The following EVA1C variants were observed in gnomAD, a reference collection of about 807,000 sequenced individuals.
EVA1C encodes the protein eva-1 homolog C, also known as protein eva-1 homolog C.
In EVA1C, 25 loss-of-function variants were observed where a neutral mutation model predicts 45.4. That is an observed-to-expected ratio of 0.55 (90% CI 0.40 to 0.77). The LOEUF (loss-of-function observed/expected upper bound fraction) is 0.77. Ranked by LOEUF, EVA1C falls within the 30% of genes least tolerant of loss-of-function variation. The pLI is 0.00. For missense variants in EVA1C, 479 were observed against 554.8 expected (o/e 0.86, Z 1.37); for synonymous variants, 190 against 221.2 (o/e 0.86, Z 1.25).
chr21:32,479,794 A>C (rs776378196), intron 4 of EVA1C, among the ~76,000 whole-genome samples: 1 of 151,938 alleles, frequency 6.6e-6, no homozygotes, highest in Non-Finnish European at 1.5e-5. Flanking sequence ...TCTACAAAAA[A>C]AATTTAAAAA....
At chr21:32,471,419 G>C (rs148545846) in intron 4 of EVA1C, among the ~76,000 whole-genome samples, 1,897 of 149,074 alleles carry the variant, frequency 0.013, 37 homozygotes, top group Admixed American at 0.038. Flanking sequence ...CTCCACCTCT[G>C]GGTTCAAGCA....
chr21:32,422,899 T>A (rs2034336531), intron 1 of EVA1C, among the ~76,000 whole-genome samples: 1 of 140,900 alleles, frequency 7.1e-6, no homozygotes, highest in Admixed American at 7.2e-5. Flanking sequence ...GGTGAAACCA[T>A]GTCTGTACTA....
upstream of EVA1C, chr21:32,412,480 C>A (rs2033855654): frequency 5.5e-6 from 1 of 180,792 alleles, no homozygotes; most frequent in African/African-American, 2.3e-5. Context: ...GGGCGCGCTA[C>A]TGGGGGCGCC....
intron 5 of EVA1C, 124 bp from the exon 6 acceptor site, chr21:32,501,291 T>G (rs531709970): frequency 1.3e-6 from 1 of 779,124 alleles, no homozygotes; most frequent in South Asian, 1.8e-5. Context: ...GAAGAGTGAG[T>G]GATTCTTGCA....
rs779730010 is a variant in EVA1C, at chr21:32,495,095, ATCG to A, written c.706_708del (p.Val236del). 127 of 1,614,046 alleles carry A rather than the reference ATCG, an allele frequency of 7.9e-5. No homozygotes were observed. Among genetic ancestry groups the A allele is most frequent in the Non-Finnish European group, 1.1e-4 (124 of 1,180,042 alleles). ...CTATGGGAAGCAGAGATGCAAAATC[ATCG>A]TCAACAATCACCATTTTGGAAGCCC... On this transcript the variant is annotated inframe_deletion, in exon 5 of 8. Transcript: ENST00000300255.
intron 1 of EVA1C, among the ~76,000 whole-genome samples, chr21:32,451,069 C>A (rs755824914): frequency 6.6e-6 from 1 of 152,144 alleles, no homozygotes; most frequent in Non-Finnish European, 1.5e-5. Context: ...GGCTGGTGGG[C>A]GTGAGGACCC....
intron 1 of EVA1C, among the ~76,000 whole-genome samples, chr21:32,441,574 C>T (rs1173066490): frequency 6.9e-6 from 1 of 145,112 alleles, no homozygotes; most frequent in Non-Finnish European, 1.5e-5. Context: ...TCTTTGGAGT[C>T]AGAAACCCAT....
intron 1 of EVA1C, among the ~76,000 whole-genome samples, chr21:32,437,118 C>A (rs1333969277): frequency 6.6e-6 from 1 of 152,236 alleles, no homozygotes. Flanking sequence ...CGAGATGGCA[C>A]CACTGCACTC....
chr21:32,480,840 G>A (rs2036753740), intron 4 of EVA1C, among the ~76,000 whole-genome samples: 1 of 151,834 alleles, frequency 6.6e-6, no homozygotes. Context: ...GCAGATGCCT[G>A]TAATCCCAGC....
At position 32,476,706 on chromosome 21, in the gene EVA1C, T is replaced by TCCCCCCAAGTTATCGGTGTGAC. The variant is rs2036581140; in HGVS notation, c.634+8859_634+8880dup. Among the ~76,000 whole-genome samples the TCCCCCCAAGTTATCGGTGTGAC allele has an allele frequency of 4.0e-5, 6 of 151,778 alleles. No homozygotes were observed. The South Asian group carries it at 6.3e-4, about 16-fold the overall frequency. On this transcript the variant is annotated intron_variant, in intron 4 of 7. Transcript: ENST00000300255. ...TGGAGAAGTAGGGGCATGTGTGTGA[T>TCCCCCCAAGTTATCGGTGTGAC]CCCCCCAAGTTATCGGTGTGACTCC... is the stretch of plus-strand genomic sequence containing the variant.
chr21:32,481,187 T>C (rs2146351236), intron 4 of EVA1C, among the ~76,000 whole-genome samples: 1 of 152,240 alleles, frequency 6.6e-6, no homozygotes, highest in East Asian at 1.9e-4. Flanking sequence ...ACGATACTAC[T>C]TATGTTTGGA....
At chr21:32,432,983 C>T (rs9974826) in intron 1 of EVA1C, among the ~76,000 whole-genome samples, 23,013 of 151,680 alleles carry the variant, frequency 0.15, 1,399 homozygotes, top group Admixed American at 0.23. Flanking sequence ...CCTCCCGCCT[C>T]GGCATCCCAA....
chr21:32,491,903 G>A (rs2037172848), intron 4 of EVA1C, among the ~76,000 whole-genome samples: 2 of 152,084 alleles, frequency 1.3e-5, no homozygotes, highest in Non-Finnish European at 2.9e-5. Flanking sequence ...ATGGCGGAGT[G>A]CCGGAGTGGC....
chr21:32,495,235 T>G, intron 5 of EVA1C, 65 bp downstream of exon 5: 1 of 1,566,400 alleles, frequency 6.4e-7, no homozygotes, highest in Non-Finnish European at 8.7e-7. Context: ...GTGGTGACCA[T>G]GTGAACGGCA....
chr21:32,482,514 A>C (rs2036823220), intron 4 of EVA1C, among the ~76,000 whole-genome samples: 1 of 152,002 alleles, frequency 6.6e-6, no homozygotes, highest in South Asian at 2.1e-4. Context: ...GCCTTCCCCT[A>C]CCTGCCCAGT....
At chr21:32,469,951 A>G (rs980819390) in intron 4 of EVA1C, among the ~76,000 whole-genome samples, 1 of 152,206 alleles carries the variant, frequency 6.6e-6, no homozygotes, top group Non-Finnish European at 1.5e-5. Flanking sequence ...TGGGAGCAAT[A>G]GCCTAGTCAA....
chr21:32,498,430 ACT>A lies in EVA1C; in HGVS notation c.779-2982_779-2981del, dbSNP rs573988408. 8.5e-4 allele frequency among the ~76,000 whole-genome samples: 122 copies of A among 143,718 alleles called. No homozygotes were observed. The South Asian group carries it at 8.9e-3, about 10-fold the overall frequency. The allele number at this position is 143,718 out of a possible 152,430, so 94.3% of individuals were successfully genotyped here. A position where few individuals can be genotyped will look rare whatever the true frequency, so the allele number is the denominator to read the frequency against. Reference sequence around the variant, plus strand: ...TCACTGCTTGGGTGACAAGGGTGAAACTCTGTCTCAAAAAAAAAAAAAAAAAA... The same window carrying A: ...TCACTGCTTGGGTGACAAGGGTGAAACTGTCTCAAAAAAAAAAAAAAAAAA... On this transcript the variant is annotated intron_variant, in intron 5 of 7. Transcript: ENST00000300255.
At chr21:32,438,158 A>C (rs1010918126) in intron 1 of EVA1C, among the ~76,000 whole-genome samples, 1 of 152,132 alleles carries the variant, frequency 6.6e-6, no homozygotes, top group African/African-American at 2.4e-5. Context: ...GCAGGGTCCT[A>C]GTTCTCTCTT....
chr21:32,443,815 TC>T (rs1253411049), intron 1 of EVA1C, among the ~76,000 whole-genome samples: 1 of 152,168 alleles, frequency 6.6e-6, no homozygotes, highest in Non-Finnish European at 1.5e-5. Flanking sequence ...TCCTTGCACA[TC>T]CAGTGAACCA....
Sources: gnomAD v4.1 joint callset for allele counts (sites outside exome capture counted in the v4.1 genomes callset) on GRCh38, gnomAD v4.1.1 for gene constraint, MANE v1.5 for transcripts, NCBI Gene and HGNC (gene_info 2026-07-23, HGNC 2026-07-21) for gene names.